The following ROBO1 variants were observed in gnomAD, a reference collection of about 807,000 sequenced individuals.
The protein encoded by ROBO1 is roundabout homolog 1.
In ROBO1, 149 loss-of-function variants were observed where a neutral mutation model predicts 195.9. That is an observed-to-expected ratio of 0.76 (90% CI 0.67 to 0.87). The LOEUF (loss-of-function observed/expected upper bound fraction) is 0.87, where lower values mean the gene tolerates loss of function less well. Ranked by LOEUF, ROBO1 falls within the 40% of genes least tolerant of loss-of-function variation. The pLI, the probability that ROBO1 is intolerant of heterozygous loss-of-function variation, is 0.00. For missense variants in ROBO1, 1,933 were observed against 2,068.3 expected (o/e 0.93, Z 1.27); for synonymous variants, 816 against 733.2 (o/e 1.11, Z -1.82).
chr3:79,660,622 G>A (rs1560077880), intron 1 of ROBO1, among the ~76,000 whole-genome samples: 1 of 152,094 alleles, frequency 6.6e-6, no homozygotes, highest in Non-Finnish European at 1.5e-5. Context: ...TAAGAGAGTA[G>A]CTGATAAGAA....
chr3:78,967,281 T>C (rs2076667658), intron 3 of ROBO1, among the ~76,000 whole-genome samples: 1 of 152,128 alleles, frequency 6.6e-6, no homozygotes, highest in African/African-American at 2.4e-5. Flanking sequence ...AAGTCAGTCC[T>C]GTAAGGCAGT....
At chr3:79,055,854 T>C (rs1254075495) in intron 3 of ROBO1, among the ~76,000 whole-genome samples, 2 of 152,100 alleles carry the variant, frequency 1.3e-5, no homozygotes, top group East Asian at 3.9e-4. Flanking sequence ...CACACCCATT[T>C]GGATTCAGCA....
rs1037291796 is a variant in ROBO1, at chr3:79,598,939, G to A, written c.-50-8978C>T. Among the ~76,000 whole-genome samples the A allele has an allele frequency of 5.9e-4, 90 of 152,136 alleles. 2 individuals carry two copies. Among genetic ancestry groups the A allele is most frequent in the Admixed American group, 5.6e-3 (85 of 15,268 alleles). On this transcript the variant is annotated intron_variant, in intron 1 of 30. Transcript: ENST00000464233. Reference sequence around the variant, plus strand: ...CTGTCCATGTGACAACTTCACTGCTGGCACAACCAGCATTCGAGAAAGCCA... The same window carrying A: ...CTGTCCATGTGACAACTTCACTGCTAGCACAACCAGCATTCGAGAAAGCCA...
chr3:79,219,359 G>A (rs903795046), intron 2 of ROBO1, among the ~76,000 whole-genome samples: 5 of 151,900 alleles, frequency 3.3e-5, no homozygotes, highest in East Asian at 1.9e-4. Context: ...GTTGCATACC[G>A]AGGAAGTAAA....
chr3:79,169,439 T>C (rs1559709093), intron 2 of ROBO1, among the ~76,000 whole-genome samples: 1 of 152,146 alleles, frequency 6.6e-6, no homozygotes, highest in Non-Finnish European at 1.5e-5. Flanking sequence ...TTGCTTGTTT[T>C]GTCTGTAGAA....
At chr3:78,812,276 C>T (rs1310286487) in intron 4 of ROBO1, among the ~76,000 whole-genome samples, 2 of 152,108 alleles carry the variant, frequency 1.3e-5, no homozygotes, top group Non-Finnish European at 2.9e-5. Context: ...CTTCAAGACT[C>T]GGTCTATGTC....
At chr3:79,331,805 T>C (rs1025328410) in intron 2 of ROBO1, among the ~76,000 whole-genome samples, 4 of 152,208 alleles carry the variant, frequency 2.6e-5, no homozygotes, top group African/African-American at 9.7e-5. Flanking sequence ...TCTGCTAAAG[T>C]ATGCTGATGA....
chr3:78,939,096 C>T (rs2039982279), intron 3 of ROBO1, among the ~76,000 whole-genome samples, 169 bp from the exon 4 acceptor site: 1 of 152,152 alleles, frequency 6.6e-6, no homozygotes, highest in Non-Finnish European at 1.5e-5. Flanking sequence ...CTACACCTTC[C>T]AATTCTTGAA....
chr3:78,778,238 G>C (rs532943146), intron 4 of ROBO1, among the ~76,000 whole-genome samples: 10 of 152,268 alleles, frequency 6.6e-5, no homozygotes, highest in African/African-American at 2.4e-4. Context: ...GGGTTTGCCA[G>C]TATTTTATAG....
chr3:79,521,825 G>A (rs1317284783), intron 2 of ROBO1, among the ~76,000 whole-genome samples: 3 of 152,076 alleles, frequency 2.0e-5, no homozygotes, highest in Non-Finnish European at 4.4e-5. Context: ...GATGTGTGGG[G>A]AAGCACCTGG....
intron 4 of ROBO1, among the ~76,000 whole-genome samples, chr3:78,933,080 A>C (rs2039618655): frequency 6.6e-6 from 1 of 152,138 alleles, no homozygotes; most frequent in African/African-American, 2.4e-5. Flanking sequence ...TGAGCCTATA[A>C]TCTGTTTAAC....
chr3:79,613,263 C>A (rs887196457), intron 1 of ROBO1, among the ~76,000 whole-genome samples: 1 of 151,878 alleles, frequency 6.6e-6, no homozygotes, highest in Admixed American at 6.6e-5. Context: ...ATTGTTTTGT[C>A]TACTGGTTTT....
chr3:79,247,708 C>A lies in ROBO1; in HGVS notation c.89-122169G>T, dbSNP rs6793105. Among the ~76,000 whole-genome samples, 75 of 152,078 alleles carry A rather than the reference C, an allele frequency of 4.9e-4. No homozygotes were observed. In the South Asian group the frequency reaches 7.1e-3, roughly 14 times the overall value. On this transcript the variant is annotated intron_variant, in intron 2 of 30. Coordinates refer to ENST00000464233, the MANE Select transcript of ROBO1 (RefSeq NM_002941.4). Reference sequence around the variant, plus strand: ...AAATATTTAATACTTTGTGCTACAACGCTCACAGGCACTTTGGAACTTCTC... The same window carrying A: ...AAATATTTAATACTTTGTGCTACAAAGCTCACAGGCACTTTGGAACTTCTC...
intron 1 of ROBO1, among the ~76,000 whole-genome samples, chr3:79,713,750 C>A (rs371503581): frequency 6.6e-6 from 1 of 152,080 alleles, no homozygotes; most frequent in Non-Finnish European, 1.5e-5. Context: ...GTCTTTAATC[C>A]ATCTTGAATT....
At chr3:78,639,090 G>C (rs1302070241) in intron 22 of ROBO1, among the ~76,000 whole-genome samples, 1 of 151,140 alleles carries the variant, frequency 6.6e-6, no homozygotes, top group Non-Finnish European at 1.5e-5. Flanking sequence ...AGGTTGCAGT[G>C]AGCTGAGATT....
At chr3:79,048,501 C>T (rs1457545426) in intron 3 of ROBO1, among the ~76,000 whole-genome samples, 1 of 152,094 alleles carries the variant, frequency 6.6e-6, no homozygotes, top group African/African-American at 2.4e-5. Context: ...TCATGGAACC[C>T]CAAACTAACA....
intron 3 of ROBO1, among the ~76,000 whole-genome samples, chr3:78,959,573 G>A (rs1002890922): frequency 9.9e-5 from 15 of 152,114 alleles, no homozygotes; most frequent in African/African-American, 2.4e-4. Context: ...CCTATAGATT[G>A]TAGATAGAAG....
chr3:79,220,886 T>C (rs567085515), intron 2 of ROBO1, among the ~76,000 whole-genome samples: 1 of 152,166 alleles, frequency 6.6e-6, no homozygotes. Flanking sequence ...TAATTCTTTG[T>C]AGTAGGGGCA....
intron 1 of ROBO1, among the ~76,000 whole-genome samples, chr3:79,730,935 G>T (rs1703123373): frequency 6.6e-6 from 1 of 151,670 alleles, no homozygotes; most frequent in Admixed American, 6.6e-5. Context: ...CCGCCACCAC[G>T]CCCAGCTAAT....
Sources: allele counts gnomAD v4.1 joint callset (sites outside exome capture counted in the v4.1 genomes callset), GRCh38; gene constraint gnomAD v4.1.1; transcripts MANE v1.5; gene names NCBI Gene and HGNC (gene_info 2026-07-23, HGNC 2026-07-21).